DENND5A: variants seen among roughly 807,000 people sequenced by gnomAD.
The protein encoded by DENND5A is DENN domain containing 5A.
DENND5A carries 64 observed loss-of-function variants against 140.3 expected under a neutral mutation model. The ratio of observed to expected loss-of-function variants is 0.46; its 90% confidence interval spans 0.37 to 0.56. The LOEUF is 0.56. Ranked by LOEUF, DENND5A falls within the 20% of genes least tolerant of loss-of-function variation. The pLI is 0.00. For missense variants in DENND5A, 1,292 were observed against 1,593.8 expected, an observed-to-expected ratio of 0.81 and a Z score of 3.22; for synonymous variants, 605 against 607.7, an observed-to-expected ratio of 1.00 and a Z score of 0.07.
intron 3 of DENND5A, 43 bp from the exon 4 acceptor site, chr11:9,204,360 G>GCTT: frequency 6.4e-7 from 1 of 1,565,294 alleles, no homozygotes; most frequent in Non-Finnish European, 8.6e-7. Flanking sequence ...AACACTCACT[G>GCTT]GCGATCCTCT....
intron 1 of DENND5A, among the ~76,000 whole-genome samples, chr11:9,212,428 A>G (rs1486781766): frequency 6.6e-6 from 1 of 152,196 alleles, no homozygotes; most frequent in Non-Finnish European, 1.5e-5. Flanking sequence ...AAAAAGCTCA[A>G]TGGACTCCAA....
intron 8 of DENND5A, 26 bp from the exon 9 acceptor site, chr11:9,170,803 C>G (rs779333840): frequency 6.2e-7 from 1 of 1,610,370 alleles, no homozygotes; most frequent in Non-Finnish European, 8.5e-7. Flanking sequence ...CACACACACA[C>G]ACACACACAC....
At chr11:9,243,222 T>C (rs76290243) in intron 1 of DENND5A, among the ~76,000 whole-genome samples, 5,975 of 152,030 alleles carry the variant, frequency 0.039, 399 homozygotes, top group African/African-American at 0.14. Flanking sequence ...GCTAAGTAGT[T>C]AACAGAGCTA....
At chr11:9,252,843 A>C (rs1193281666) in intron 1 of DENND5A, among the ~76,000 whole-genome samples, 1 of 145,826 alleles carries the variant, frequency 6.9e-6, no homozygotes, top group African/African-American at 2.7e-5. Context: ...AGCCAGGGAC[A>C]GCAACAGGAT....
rs527548780 is a variant in DENND5A, at chr11:9,222,004, A to G, written c.110-14372T>C. On this transcript the variant is annotated intron_variant, in intron 1 of 22. Transcript: ENST00000328194. ...GATCTCCTGACCTCATGATCCGCCC[A>G]CCTTGGCCTCCCAAAGTGCTGGGAT... Among the ~76,000 whole-genome samples the G allele has an allele frequency of 5.2e-4, 75 of 144,376 alleles. No homozygotes were observed. The East Asian group carries it at 9.3e-3, about 18-fold the overall frequency. 94.7% of individuals were successfully genotyped at this position (144,376 alleles called of 152,430 possible).
chr11:9,207,408 C>A (rs576063795), intron 2 of DENND5A, among the ~76,000 whole-genome samples, 153 bp downstream of exon 2: 1 of 151,964 alleles, frequency 6.6e-6, no homozygotes, highest in Admixed American at 6.6e-5. Context: ...AACCAAAGAA[C>A]CCACCACCTA....
At chr11:9,220,822 G>C (rs913257944) in intron 1 of DENND5A, among the ~76,000 whole-genome samples, 2 of 152,086 alleles carry the variant, frequency 1.3e-5, no homozygotes, top group Non-Finnish European at 2.9e-5. Flanking sequence ...GAACCTGGGA[G>C]GCAGAGGTTG....
chr11:9,163,228 G>A (rs1848050204), intron 11 of DENND5A, among the ~76,000 whole-genome samples: 1 of 152,156 alleles, frequency 6.6e-6, no homozygotes, highest in South Asian at 2.1e-4. Context: ...CTTGGGACAT[G>A]CTCCAAAAGT....
intron 22 of DENND5A, among the ~76,000 whole-genome samples, chr11:9,140,894 A>C (rs1847214561): frequency 6.6e-6 from 1 of 152,244 alleles, no homozygotes; most frequent in Non-Finnish European, 1.5e-5. Flanking sequence ...TGGGAGGCCA[A>C]GGAAGGCAGA....
rs977673241 is a variant in DENND5A at position 9,216,897 on chromosome 11, A to G, written c.110-9265T>C. Among the ~76,000 whole-genome samples the G allele has an allele frequency of 2.0e-5, 3 of 152,088 alleles. No individual in the cohort carries two copies. In the East Asian group the frequency reaches 5.8e-4, roughly 29 times the overall value. The stretch of plus-strand genomic sequence containing the variant: ...AAATAATAATAATAATAAGCCAGGC[A>G]TGGTGGTATGCATCTGTAGTACCAG... On this transcript the variant is annotated intron_variant, in intron 1 of 22. Coordinates refer to ENST00000328194, the MANE Select transcript of DENND5A (RefSeq NM_015213.4).
At chr11:9,194,194 G>A (rs995568502) in intron 4 of DENND5A, among the ~76,000 whole-genome samples, 22 of 152,126 alleles carry the variant, frequency 1.4e-4, no homozygotes, top group African/African-American at 5.3e-4. Flanking sequence ...TTCCACACTA[G>A]CCAAGTCTGC....
chr11:9,193,478 A>C lies in DENND5A; in HGVS notation c.1137+16T>G. On this transcript the variant is annotated intron_variant, in intron 5 of 22. Transcript: ENST00000328194. ...TCCTGGATTGGGGCCAGAGGCACCA[A>C]CACTCAAGATCTCACCTCTTGAGGC... 6.4e-7 allele frequency: 1 copy of C among 1,570,170 alleles called. No individual in the cohort carries two copies. The highest frequency in any genetic ancestry group is 8.6e-7 in the Non-Finnish European group (1 of 1,159,670).
At chr11:9,165,217 G>A (rs1331935728) in intron 11 of DENND5A, among the ~76,000 whole-genome samples, 1 of 152,020 alleles carries the variant, frequency 6.6e-6, no homozygotes, top group Non-Finnish European at 1.5e-5. Context: ...GGCCAGGCTG[G>A]TCTTGAACTC....
Position 9,204,304 on chromosome 11 carries a change from T to G in DENND5A, c.305A>C (p.Lys102Thr). ...QDAVGMLCMPKGLAFKTQADP... is the reference protein window; with the variant it reads ...QDAVGMLCMPTGLAFKTQADP... ...AGCCTGGGTCTTGAATGCCAGCCCTTTCGGCATACATAGCTGCAAAAGACA... is the reference window on the plus strand; with the variant it reads ...AGCCTGGGTCTTGAATGCCAGCCCTGTCGGCATACATAGCTGCAAAAGACA... Residue 102 changes from lysine to threonine, a missense_variant, in exon 4 of 23, where the codon AAA (lysine) becomes ACA (threonine). By Grantham distance (78) the Lys-to-Thr change is moderately conservative (BLOSUM62 -1). Coordinates refer to ENST00000328194, the MANE Select transcript of DENND5A (RefSeq NM_015213.4). 1 of 1,610,600 alleles carries G rather than the reference T, an allele frequency of 6.2e-7. No homozygotes were observed. Among genetic ancestry groups the G allele is most frequent in the South Asian group, 1.1e-5 (1 of 91,060 alleles).
intron 5 of DENND5A, among the ~76,000 whole-genome samples, chr11:9,187,632 G>A (rs1848962784): frequency 6.6e-6 from 1 of 152,114 alleles, no homozygotes; most frequent in Non-Finnish European, 1.5e-5. Context: ...TGGGGGAAAA[G>A]TAGGAAAAAG....
chr11:9,230,819 C>A (rs1048683038), intron 1 of DENND5A, among the ~76,000 whole-genome samples: 1 of 151,898 alleles, frequency 6.6e-6, no homozygotes, highest in Non-Finnish European at 1.5e-5. Context: ...ATAGGGAGAC[C>A]GGTCTCTACA....
chr11:9,153,924 G>A (rs904882585), intron 12 of DENND5A, among the ~76,000 whole-genome samples: 4 of 152,210 alleles, frequency 2.6e-5, no homozygotes, highest in Admixed American at 2.6e-4. Flanking sequence ...AGCCCAGCTG[G>A]TCACCCAGCA....
intron 1 of DENND5A, among the ~76,000 whole-genome samples, chr11:9,236,297 C>T (rs539417323): frequency 3.3e-5 from 5 of 151,522 alleles, no homozygotes; most frequent in Non-Finnish European, 5.9e-5. Flanking sequence ...TTTGGGAGGC[C>T]GAGGCAGGCG....
intron 12 of DENND5A, among the ~76,000 whole-genome samples, chr11:9,154,540 A>AT (rs200273775): frequency 0.013 from 2,019 of 152,016 alleles, 50 homozygotes; most frequent in African/African-American, 0.045. Context: ...AAAAAAAAAA[A>AT]CAAACATCTG....
Sources: gnomAD v4.1 joint callset for allele counts (sites outside exome capture counted in the v4.1 genomes callset) on GRCh38, gnomAD v4.1.1 for gene constraint, MANE v1.5 for transcripts, NCBI Gene and HGNC (gene_info 2026-07-23, HGNC 2026-07-21) for gene names.